The following ZNF704 variants were observed in gnomAD, a reference collection of about 807,000 sequenced individuals.
The protein encoded by ZNF704 is zinc finger protein 704.
Under a neutral mutation model 44.7 loss-of-function variants are expected in ZNF704, and 10 were observed. That is an observed-to-expected ratio of 0.22 (90% CI 0.14 to 0.38). The LOEUF (loss-of-function observed/expected upper bound fraction) is 0.38, where lower values mean the gene tolerates loss of function less well. Ranked by LOEUF, ZNF704 falls within the 10% of genes least tolerant of loss-of-function variation. The pLI, the probability that ZNF704 is intolerant of heterozygous loss-of-function variation, is 1.00. For missense variants in ZNF704, 390 were observed against 545.5 expected (o/e 0.71, Z 2.84); for synonymous variants, 211 against 207.6 (o/e 1.02, Z -0.14).
At chr8:80,850,887 T>C (rs1300544981) in intron 1 of ZNF704, among the ~76,000 whole-genome samples, 1 of 152,214 alleles carries the variant, frequency 6.6e-6, no homozygotes, top group African/African-American at 2.4e-5. Flanking sequence ...CTGAGCAGGC[T>C]TGATTCCTGA....
intron 8 of ZNF704, among the ~76,000 whole-genome samples, chr8:80,642,187 C>T (rs923680986): frequency 6.6e-6 from 1 of 152,156 alleles, no homozygotes; most frequent in African/African-American, 2.4e-5. Flanking sequence ...TTATGCATGA[C>T]TTTTTCTTTC....
intron 2 of ZNF704, among the ~76,000 whole-genome samples, chr8:80,766,320 A>G (rs929772003): frequency 6.6e-6 from 1 of 152,136 alleles, no homozygotes; most frequent in Admixed American, 6.6e-5. Context: ...CTCAATGGCC[A>G]GGTTCCCTGC....
chr8:80,871,093 C>G (rs768257749), intron 1 of ZNF704, among the ~76,000 whole-genome samples: 2 of 152,146 alleles, frequency 1.3e-5, no homozygotes, highest in Non-Finnish European at 2.9e-5. Context: ...TCCTGCCAAT[C>G]TCTAACTCCA....
At position 80,862,714 on chromosome 8, in the gene ZNF704, G is replaced by A. The variant is rs185242381; in HGVS notation, c.-22+11857C>T. Among the ~76,000 whole-genome samples, 138 of 132,224 alleles carry A rather than the reference G, an allele frequency of 1.0e-3. 1 individual carries two copies. The East Asian group carries it at 0.025, about 24-fold the overall frequency. 86.7% of individuals were successfully genotyped at this position (132,224 alleles called of 152,430 possible). On this transcript the variant is annotated intron_variant, in intron 1 of 8. Coordinates refer to ENST00000327835, the MANE Select transcript of ZNF704 (RefSeq NM_001033723.3). ...CAGGAGGCGGAGGTTGCAGTGAGCC[G>A]AGATCACACCAGTGTACTCCAGCCT...
intron 2 of ZNF704, among the ~76,000 whole-genome samples, chr8:80,708,888 T>C (rs551451836): frequency 3.9e-5 from 6 of 152,246 alleles, no homozygotes; most frequent in Non-Finnish European, 7.4e-5. Flanking sequence ...TAAAATCAAC[T>C]TTCCACATAC....
chr8:80,682,361 A>G (rs1323118529), intron 4 of ZNF704, among the ~76,000 whole-genome samples: 1 of 152,262 alleles, frequency 6.6e-6, no homozygotes, highest in Non-Finnish European at 1.5e-5. Flanking sequence ...GGTTCTTCCT[A>G]GTACACAGGT....
chr8:80,878,932 T>A (rs890157302), upstream of ZNF704, among the ~76,000 whole-genome samples: 2 of 152,220 alleles, frequency 1.3e-5, no homozygotes. Flanking sequence ...TGTTTCCTGA[T>A]CAGTTTAGTC....
rs1303348015 is a variant in ZNF704 at position 80,784,532 on chromosome 8, A to T, written c.221+36842T>A. On this transcript the variant is annotated intron_variant, in intron 2 of 8. Coordinates refer to ENST00000327835, the MANE Select transcript of ZNF704 (RefSeq NM_001033723.3). ...AACATATGATGTTGAACCTCTTTTC[A>T]TATGCTTATTTGCCATCTGCGTGTC... 2.0e-5 allele frequency among the ~76,000 whole-genome samples: 3 copies of T among 152,132 alleles called. No individual in the cohort carries two copies. In the East Asian group the frequency reaches 5.8e-4, roughly 29 times the overall value.
chr8:80,783,394 T>C (rs1001976390), intron 2 of ZNF704, among the ~76,000 whole-genome samples: 19 of 152,172 alleles, frequency 1.2e-4, no homozygotes, highest in Non-Finnish European at 2.6e-4. Context: ...GGTAAATGTG[T>C]GCTGTGGTGG....
chr8:80,739,589 T>C (rs534119354), intron 2 of ZNF704, among the ~76,000 whole-genome samples: 2 of 152,236 alleles, frequency 1.3e-5, no homozygotes, highest in Non-Finnish European at 2.9e-5. Flanking sequence ...CAAGAAAGTA[T>C]GCTTGGAAGA....
intron 4 of ZNF704, among the ~76,000 whole-genome samples, chr8:80,676,825 C>T (rs749322278): frequency 6.6e-6 from 1 of 152,304 alleles, no homozygotes; most frequent in South Asian, 2.1e-4. Flanking sequence ...CAATCTGGTT[C>T]ACAATAGGGT....
intron 2 of ZNF704, among the ~76,000 whole-genome samples, chr8:80,814,901 TAC>T: frequency 1.3e-5 from 2 of 152,280 alleles, no homozygotes; most frequent in South Asian, 4.1e-4. Context: ...CTCACTTAAT[TAC>T]AAATTTGACA....
At chr8:80,667,189 G>T (rs987853536) in intron 5 of ZNF704, among the ~76,000 whole-genome samples, 1 of 152,160 alleles carries the variant, frequency 6.6e-6, no homozygotes, top group Non-Finnish European at 1.5e-5. Flanking sequence ...AGGGAGTGAC[G>T]GGAGGAGTGA....
At chr8:80,777,528 G>A (rs1353161821) in intron 2 of ZNF704, among the ~76,000 whole-genome samples, 3 of 152,006 alleles carry the variant, frequency 2.0e-5, no homozygotes, top group African/African-American at 7.3e-5. Context: ...TATTTTCTCT[G>A]TGTATCTTTA....
intron 1 of ZNF704, chr8:80,873,804 AGGC>A (rs1043942120): frequency 6.0e-5 from 9 of 150,334 alleles, no homozygotes; most frequent in Non-Finnish European, 8.9e-5. Flanking sequence ...ACCGGCGACG[AGGC>A]GGCGGCGGCG....
At chr8:80,644,176 T>A (rs1222331942) in intron 7 of ZNF704, among the ~76,000 whole-genome samples, 1 of 152,178 alleles carries the variant, frequency 6.6e-6, no homozygotes. Flanking sequence ...CTAAGGCAGA[T>A]GGAGGTTAAG....
chr8:80,848,150 C>T (rs1025747905), intron 1 of ZNF704, among the ~76,000 whole-genome samples: 1 of 152,192 alleles, frequency 6.6e-6, no homozygotes, highest in Admixed American at 6.5e-5. Context: ...AGGGTTTACT[C>T]ACTGTGCAAT....
chr8:80,783,944 C>A (rs949526986), intron 2 of ZNF704, among the ~76,000 whole-genome samples: 1 of 152,148 alleles, frequency 6.6e-6, no homozygotes, highest in Non-Finnish European at 1.5e-5. Flanking sequence ...ACAATTTTGT[C>A]CTTTCCAGAA....
intron 1 of ZNF704, among the ~76,000 whole-genome samples, chr8:80,831,306 G>A (rs990067883): frequency 3.3e-5 from 5 of 152,110 alleles, no homozygotes; most frequent in Non-Finnish European, 7.4e-5. Context: ...ACATTTTTCT[G>A]ATCCATGCAC....
Sources: allele counts gnomAD v4.1 joint callset (sites outside exome capture counted in the v4.1 genomes callset), GRCh38; gene constraint gnomAD v4.1.1; transcripts MANE v1.5; gene names NCBI Gene and HGNC (gene_info 2026-07-23, HGNC 2026-07-21).